The following PTPRD variants were observed in gnomAD, a reference collection of about 807,000 sequenced individuals.
PTPRD encodes the protein protein tyrosine phosphatase receptor type D.
In PTPRD, 34 loss-of-function variants were observed where a neutral mutation model predicts 214.5. That is an observed-to-expected ratio of 0.16 (90% CI 0.12 to 0.21). The LOEUF (loss-of-function observed/expected upper bound fraction) is 0.21, where lower values mean the gene tolerates loss of function less well. Ranked by LOEUF, PTPRD falls within the 10% of genes least tolerant of loss-of-function variation. The pLI, the probability that PTPRD is intolerant of heterozygous loss-of-function variation, is 1.00. For missense variants in PTPRD, 2,545 were observed against 2,398.7 expected (o/e 1.06, Z -1.27); for synonymous variants, 1,128 against 845.7 (o/e 1.33, Z -5.79).
intron 7 of PTPRD, among the ~76,000 whole-genome samples, chr9:9,710,032 C>A (rs1009575556): frequency 6.6e-6 from 1 of 151,624 alleles, no homozygotes; most frequent in Admixed American, 6.6e-5. Context: ...TTTTTAAAAG[C>A]AGATTTTGTT....
rs960334152 is a variant in PTPRD, at chr9:8,376,712, C to G, written c.4401G>C (p.Gln1467His). The G allele has an allele frequency of 3.7e-6, 6 of 1,612,896 alleles. No homozygotes were observed. Among genetic ancestry groups the G allele is most frequent in the Non-Finnish European group, 5.1e-6 (6 of 1,179,232 alleles). ...LEERSRVKCD[Q>H]YWPSRGTETH... ...TTTCTGTGCCTCTGCTAGGCCAATA[C>G]TGGTCACACTTCACCTACAAGAAAC... Residue 1467 changes from glutamine to histidine, a missense_variant, in exon 38 of 46, where the codon CAG (glutamine) becomes CAC (histidine). Physicochemically the swap from Gln to His is conservative, Grantham distance 24 (BLOSUM62 0). Transcript: ENST00000381196.
chr9:9,665,429 A>T (rs1211275795), intron 7 of PTPRD, among the ~76,000 whole-genome samples: 1 of 151,822 alleles, frequency 6.6e-6, no homozygotes, highest in East Asian at 1.9e-4. Flanking sequence ...ATAAATGCTC[A>T]CTGTGATAGA....
chr9:9,733,432 G>C (rs568177148), intron 7 of PTPRD, among the ~76,000 whole-genome samples: 1 of 152,248 alleles, frequency 6.6e-6, no homozygotes, highest in South Asian at 2.1e-4. Context: ...AGTAACGTTT[G>C]TTCAACATGA....
chr9:9,297,431 C>A (rs1174763230), intron 9 of PTPRD, among the ~76,000 whole-genome samples: 4 of 151,358 alleles, frequency 2.6e-5, no homozygotes, highest in African/African-American at 9.7e-5. Context: ...CCTTTTAGTC[C>A]ATGATGAGTT....
intron 9 of PTPRD, among the ~76,000 whole-genome samples, chr9:9,332,594 T>C (rs2042747503): frequency 6.7e-6 from 1 of 149,618 alleles, no homozygotes; most frequent in Non-Finnish European, 1.5e-5. Flanking sequence ...AAAAAAAACC[T>C]CTATACTGAG....
intron 2 of PTPRD, among the ~76,000 whole-genome samples, chr9:10,375,550 G>A (rs147798909): frequency 6.6e-6 from 1 of 152,090 alleles, no homozygotes; most frequent in East Asian, 1.9e-4. Context: ...AACCATGTTA[G>A]TATGTTCTAT....
At chr9:10,512,028 A>ATATATACGTGTGTG (rs1285737509) in intron 2 of PTPRD, among the ~76,000 whole-genome samples, 1 of 74,450 alleles carries the variant, frequency 1.3e-5, no homozygotes, top group African/African-American at 6.9e-5. Flanking sequence ...GTATATATAT[A>ATATATACGTGTGTG]TGTATATATA....
chr9:8,354,415 G>A lies in PTPRD; in HGVS notation c.4662-12437C>T, dbSNP rs368080138. Among the ~76,000 whole-genome samples, 8 of 152,146 alleles carry A rather than the reference G, an allele frequency of 5.3e-5. No homozygotes were observed. In the East Asian group the frequency reaches 1.2e-3, roughly 22 times the overall value. ...AAATTTCATGAAATAACACCAATACGAAAAATTTAAATAATAGTAATGTTT... is the reference window on the plus strand; with the variant it reads ...AAATTTCATGAAATAACACCAATACAAAAAATTTAAATAATAGTAATGTTT... On this transcript the variant is annotated intron_variant, in intron 39 of 45. Coordinates refer to ENST00000381196, the MANE Select transcript of PTPRD (RefSeq NM_002839.4).
At chr9:9,546,992 G>T (rs908769665) in intron 8 of PTPRD, among the ~76,000 whole-genome samples, 1 of 150,922 alleles carries the variant, frequency 6.6e-6, no homozygotes, top group Non-Finnish European at 1.5e-5. Context: ...AAAATAAAAA[G>T]ACAAAAAATA....
intron 8 of PTPRD, among the ~76,000 whole-genome samples, chr9:9,477,740 T>C (rs1032117634): frequency 8.5e-5 from 13 of 152,182 alleles, no homozygotes; most frequent in African/African-American, 3.1e-4. Context: ...CATTATATGG[T>C]GCAAGAATGT....
At chr9:8,752,201 G>C (rs1011576650) in intron 11 of PTPRD, among the ~76,000 whole-genome samples, 5 of 152,130 alleles carry the variant, frequency 3.3e-5, no homozygotes, top group African/African-American at 4.8e-5. Context: ...TGAGATAGGA[G>C]GTCCGCACAA....
In PTPRD at chr9:10,462,104, ATAGT is replaced by A. The variant is rs752527706; in HGVS notation, c.-599-121091_-599-121088del. Among the ~76,000 whole-genome samples the A allele has an allele frequency of 1.6e-3, 249 of 152,274 alleles. 2 individuals are homozygous for A. Among genetic ancestry groups the A allele is most frequent in the African/African-American group, 2.4e-3 (99 of 41,562 alleles). On this transcript the variant is annotated intron_variant, in intron 2 of 45. Coordinates refer to ENST00000381196, the MANE Select transcript of PTPRD (RefSeq NM_002839.4). ...GATTTAATGTAAACTATGAGGAATG[ATAGT>A]TAGCGTATTATATACAGGAGTTTTG...
At chr9:8,929,889 GTA>G (rs374972008) in intron 11 of PTPRD, among the ~76,000 whole-genome samples, 3 of 67,868 alleles carry the variant, frequency 4.4e-5, no homozygotes, top group African/African-American at 6.0e-5. Flanking sequence ...ATATGTGTGT[GTA>G]TATATATGTG....
At chr9:8,674,340 CCCAGGCACT>C (rs959144698) in intron 12 of PTPRD, among the ~76,000 whole-genome samples, 4 of 151,676 alleles carry the variant, frequency 2.6e-5, no homozygotes, top group African/African-American at 9.7e-5. Flanking sequence ...CGCCTGTAGT[CCCAGGCACT>C]CAGGAGACTG....
intron 9 of PTPRD, among the ~76,000 whole-genome samples, chr9:9,244,415 C>G (rs186343404): frequency 7.7e-4 from 117 of 152,230 alleles, no homozygotes; most frequent in African/African-American, 2.6e-3. Flanking sequence ...ACCAAAACAC[C>G]ATGGTACTGG....
At chr9:9,840,311 T>A (rs2057972955) in intron 5 of PTPRD, among the ~76,000 whole-genome samples, 3 of 152,154 alleles carry the variant, frequency 2.0e-5, no homozygotes, top group Non-Finnish European at 4.4e-5. Context: ...TATTTTCTTA[T>A]TTTTTCTAGT....
In PTPRD at chr9:8,389,301, A is replaced by G. The variant is rs1471474400; in HGVS notation, c.4317T>C (p.Phe1439=). 3 of 1,613,070 alleles carry G rather than the reference A, an allele frequency of 1.9e-6. No individual in the cohort carries two copies. Among genetic ancestry groups the G allele is most frequent in the Non-Finnish European group, 2.5e-6 (3 of 1,179,386 alleles). The change falls in exon 37 of 46, where the codon TTT becomes TTC. Residue 1439 remains phenylalanine, a synonymous_variant. Transcript: ENST00000381196. ...QGSLPETFGD[F]WRMIWEQRSA... is the part of the protein sequence containing the mutation. ...TCCGTTGTTCCCATATCATTCTCCAAAAGTCCCCAAATGTTTCGGGGAGAG... is the reference window on the plus strand; with the variant it reads ...TCCGTTGTTCCCATATCATTCTCCAGAAGTCCCCAAATGTTTCGGGGAGAG...
At chr9:9,385,236 C>T (rs1162115426) in intron 9 of PTPRD, among the ~76,000 whole-genome samples, 2 of 152,176 alleles carry the variant, frequency 1.3e-5, no homozygotes, top group African/African-American at 4.8e-5. Flanking sequence ...TTCATTTGGA[C>T]TTTCAAGCAC....
intron 7 of PTPRD, among the ~76,000 whole-genome samples, chr9:9,626,038 T>C (rs886119780): frequency 3.3e-5 from 5 of 152,146 alleles, no homozygotes; most frequent in African/African-American, 9.7e-5. Flanking sequence ...AAGAGCATGG[T>C]TGAGTTACAA....
Sources: gnomAD v4.1 joint callset for allele counts (sites outside exome capture counted in the v4.1 genomes callset) on GRCh38, gnomAD v4.1.1 for gene constraint, MANE v1.5 for transcripts, NCBI Gene and HGNC (gene_info 2026-07-23, HGNC 2026-07-21) for gene names.